Variants in RNF111 observed in about 807,000 individuals in gnomAD.
RNF111 encodes E3 ubiquitin-protein ligase Arkadia.
In RNF111, 17 loss-of-function variants were observed where a neutral mutation model predicts 95.1. The ratio of observed to expected loss-of-function variants is 0.18; its 90% confidence interval spans 0.12 to 0.27. The LOEUF (loss-of-function observed/expected upper bound fraction) is 0.27. RNF111 is among the 10% of genes least tolerant of loss of function. The probability of loss-of-function intolerance (pLI) is 1.00; values close to 1 mark genes in which losing one functional copy is unlikely to be tolerated. For synonymous variants in RNF111, 440 were observed against 414.8 expected (o/e 1.06, Z -0.74); for missense variants, 1,189 against 1,210.4 (o/e 0.98, Z 0.26).
In RNF111 at chr15:59,092,522, G is replaced by C; in HGVS notation, c.2740-15G>C. On this transcript the variant is annotated splice_polypyrimidine_tract_variant and intron_variant, in intron 12 of 13. Transcript: ENST00000348370. ...CATCTCTACTAATAAGGTAACAACT[G>C]ATTGGTTCTCACAGAGGAAACTGCA... 3 of 1,609,664 alleles carry C rather than the reference G, an allele frequency of 1.9e-6. No individual in the cohort carries two copies. The highest frequency in any genetic ancestry group is 2.5e-6 in the Non-Finnish European group (3 of 1,177,622).
intron 1 of RNF111, among the ~76,000 whole-genome samples, chr15:59,021,705 A>G (rs2040353015): frequency 6.6e-6 from 1 of 152,184 alleles, no homozygotes; most frequent in Non-Finnish European, 1.5e-5. Context: ...GGGCAGAGTC[A>G]AGACTGTAAC....
intron 13 of RNF111, 132 bp from the exon 14 acceptor site, chr15:59,094,651 A>G (rs2079145049): frequency 3.4e-6 from 2 of 594,838 alleles, no homozygotes; most frequent in Non-Finnish European, 6.0e-6. Context: ...AATTTAATCG[A>G]TGTGTTTTTT....
At chr15:59,066,067 T>G (rs917717384) in intron 5 of RNF111, among the ~76,000 whole-genome samples, 4 of 152,190 alleles carry the variant, frequency 2.6e-5, no homozygotes, top group Non-Finnish European at 5.9e-5. Context: ...GAAGGATTTA[T>G]GATATTAGGG....
rs1045052570 is a variant in RNF111 at position 58,988,060 on chromosome 15, A to G, written c.-28A>G. 7.4e-6 allele frequency: 1 copy of G among 135,856 alleles called. No individual in the cohort carries two copies. Among genetic ancestry groups the G allele is most frequent in the African/African-American group, 2.7e-5 (1 of 36,866 alleles). 8.4% of individuals were successfully genotyped at this position (135,856 alleles called of 1,614,324 possible). ...ACCCTGGAAGAGAAGAGGGTGGCTA[A>G]TGATTAAGGTGAGGGGAACGGGGGG... On this transcript the variant is annotated 5_prime_UTR_variant, in exon 1 of 14. The change abolishes an upstream ATG in the 5' untranslated region. Transcript: ENST00000348370.
chr15:58,999,409 C>T (rs1219998961), intron 1 of RNF111, among the ~76,000 whole-genome samples: 1 of 152,180 alleles, frequency 6.6e-6, no homozygotes, highest in Non-Finnish European at 1.5e-5. Flanking sequence ...AATCTCAGTT[C>T]ACTGCAATCT....
rs1370142391 is a variant in RNF111, at chr15:58,999,421, C to T, written c.-20+11353C>T. Among the ~76,000 whole-genome samples, 6 of 152,136 alleles carry T rather than the reference C, an allele frequency of 3.9e-5. No homozygotes were observed. In the East Asian group the frequency reaches 5.8e-4, roughly 15 times the overall value. On this transcript the variant is annotated intron_variant, in intron 1 of 13. Coordinates refer to ENST00000348370, the MANE Select transcript of RNF111 (RefSeq NM_017610.8). ...TGCAATCTCAGTTCACTGCAATCTC[C>T]GCCCCCCAGGTTCAAGCAATTCTGC...
Position 58,987,915 on chromosome 15 carries a change from C to T in RNF111, c.-173C>T, listed in dbSNP as rs1354065056. Reference sequence around the variant, plus strand: ...GTACAGTTTTGGTGGCGGTGACAGACACTGTTCTTGACTCTAGGGGCCTAT... The same window carrying T: ...GTACAGTTTTGGTGGCGGTGACAGATACTGTTCTTGACTCTAGGGGCCTAT... On this transcript the variant is annotated 5_prime_UTR_variant, in exon 1 of 14. Coordinates refer to ENST00000348370, the MANE Select transcript of RNF111 (RefSeq NM_017610.8). 1 of 153,194 alleles carries T rather than the reference C, an allele frequency of 6.5e-6. No individual in the cohort carries two copies. The allele number at this position is 153,194 out of a possible 1,614,324, so 9.5% of individuals were successfully genotyped here.
intron 2 of RNF111, among the ~76,000 whole-genome samples, chr15:59,041,576 T>A (rs570251482): frequency 1.3e-5 from 2 of 152,090 alleles, no homozygotes; most frequent in East Asian, 1.9e-4. Context: ...AAAAAAAAAA[T>A]TACTGCAATA....
At chr15:59,053,540 C>G (rs533777037) in intron 3 of RNF111, among the ~76,000 whole-genome samples, 4 of 152,176 alleles carry the variant, frequency 2.6e-5, no homozygotes, top group African/African-American at 7.2e-5. Flanking sequence ...ATTTTAGCAT[C>G]GAAGTGCTAC....
At position 59,095,882 on chromosome 15, in the gene RNF111, A is replaced by G. The variant is rs2079169215; in HGVS notation, c.*982A>G. 11 of 396,682 alleles carry G rather than the reference A, an allele frequency of 2.8e-5. No homozygotes were observed. In the East Asian group the frequency reaches 3.6e-4, roughly 13 times the overall value. 24.6% of individuals were successfully genotyped at this position (396,682 alleles called of 1,614,324 possible). On this transcript the variant is annotated 3_prime_UTR_variant, in exon 14 of 14. Coordinates refer to ENST00000348370, the MANE Select transcript of RNF111 (RefSeq NM_017610.8). ...GTCACTGGCAGGTATCTGTGCATTC[A>G]TAGAACTTATAAAGGTCCCAGGATC...
chr15:59,091,745 A>G (rs758789788), intron 12 of RNF111, among the ~76,000 whole-genome samples: 1 of 152,202 alleles, frequency 6.6e-6, no homozygotes, highest in Non-Finnish European at 1.5e-5. Flanking sequence ...ACCAGGGACC[A>G]GTTTTCATGG....
At chr15:59,021,092 C>A (rs2040317203) in intron 1 of RNF111, among the ~76,000 whole-genome samples, 1 of 152,062 alleles carries the variant, frequency 6.6e-6, no homozygotes, top group Non-Finnish European at 1.5e-5. Flanking sequence ...CCCCAAAGTC[C>A]TTTGTATCAT....
At chr15:59,032,229 G>T (rs2040946920) in intron 2 of RNF111, among the ~76,000 whole-genome samples, 1 of 152,160 alleles carries the variant, frequency 6.6e-6, no homozygotes, top group Non-Finnish European at 1.5e-5. Flanking sequence ...ATGAGCCACT[G>T]TACCTGGCCT....
intron 1 of RNF111, among the ~76,000 whole-genome samples, chr15:59,000,384 A>G (rs553965112): frequency 6.6e-6 from 1 of 151,882 alleles, no homozygotes; most frequent in East Asian, 2.0e-4. Context: ...GCTGATCTCA[A>G]ACTGCTAGGC....
chr15:59,047,957 T>A (rs2141923460), intron 2 of RNF111, among the ~76,000 whole-genome samples: 1 of 152,264 alleles, frequency 6.6e-6, no homozygotes, highest in Admixed American at 6.5e-5. Flanking sequence ...AAAGAAACAA[T>A]AATAGGTACT....
At chr15:58,993,960 A>G (rs1349070687) in intron 1 of RNF111, among the ~76,000 whole-genome samples, 2 of 151,222 alleles carry the variant, frequency 1.3e-5, no homozygotes, top group African/African-American at 2.4e-5. Flanking sequence ...TCCCTTATTC[A>G]TATGTACTAT....
chr15:59,023,440 T>G (rs2040445313), intron 1 of RNF111, among the ~76,000 whole-genome samples: 1 of 152,226 alleles, frequency 6.6e-6, no homozygotes. Flanking sequence ...TCATTCCTCT[T>G]GTAAGTAGTA....
chr15:59,052,556 A>T (rs2141968806), intron 3 of RNF111, 125 bp downstream of exon 3: 3 of 531,192 alleles, frequency 5.6e-6, no homozygotes, highest in Non-Finnish European at 8.8e-6. Flanking sequence ...GTATGCATAT[A>T]TCAGATTAGT....
In RNF111 at chr15:58,996,312, C is replaced by T. The variant is rs368012004; in HGVS notation, c.-20+8244C>T. ...ATTGGGCTGGGTGCGGTAGCTCATA[C>T]CTATAATCCCAGCACTTCGGGAGGC... On this transcript the variant is annotated intron_variant, in intron 1 of 13. Transcript: ENST00000348370. 6.6e-5 allele frequency among the ~76,000 whole-genome samples: 10 copies of T among 152,232 alleles called. No individual in the cohort carries two copies. The East Asian group carries it at 1.7e-3, about 26-fold the overall frequency.
Sources: gnomAD v4.1 joint callset for allele counts (sites outside exome capture counted in the v4.1 genomes callset) on GRCh38, gnomAD v4.1.1 for gene constraint, MANE v1.5 for transcripts, NCBI Gene and HGNC (gene_info 2026-07-23, HGNC 2026-07-21) for gene names.